The following RGSL1 variants were observed in gnomAD, a reference collection of about 807,000 sequenced individuals.
RGSL1 encodes regulator of G protein signaling protein-like.
In RGSL1, 97 loss-of-function variants were observed where a neutral mutation model predicts 124.7. The ratio of observed to expected loss-of-function variants is 0.78; its 90% confidence interval spans 0.66 to 0.92. The LOEUF is 0.92. Among genes scored for constraint, RGSL1 ranks in the 40% least tolerant of loss-of-function variants. RGSL1 has a pLI of 0.00. For synonymous variants in RGSL1, 424 were observed against 438.1 expected (o/e 0.97, Z 0.40); for missense variants, 1,233 against 1,288.4 (o/e 0.96, Z 0.66).
intron 9 of RGSL1, among the ~76,000 whole-genome samples, chr1:182,508,293 T>TTG (rs1558335044): frequency 7.5e-6 from 1 of 132,482 alleles, no homozygotes; most frequent in Non-Finnish European, 1.6e-5. Context: ...TGGTGGTGTT[T>TTG]TTTTTTTTTT....
Position 182,489,101 on chromosome 1 carries a change from T to G in RGSL1, c.1616T>G (p.Met539Arg). ...SLELSQALAD[M>R]KEMDYRQWRK... is the part of the protein sequence containing the mutation. ...GAGTTAAGCCAGGCTTTGGCTGACATGAAGGAAATGGACTATAGGCAGTGG... is the reference window on the plus strand; with the variant it reads ...GAGTTAAGCCAGGCTTTGGCTGACAGGAAGGAAATGGACTATAGGCAGTGG... Residue 539 changes from methionine to arginine, a missense_variant, in exon 8 of 22, where the codon ATG becomes AGG. Transcript: ENST00000294854. The G allele has an allele frequency of 6.4e-7, 1 of 1,551,596 alleles. No individual in the cohort carries two copies. Among genetic ancestry groups the G allele is most frequent in the Non-Finnish European group, 8.7e-7 (1 of 1,146,978 alleles).
intron 10 of RGSL1, among the ~76,000 whole-genome samples, chr1:182,522,863 A>C (rs1344298013): frequency 2.0e-5 from 3 of 152,058 alleles, no homozygotes; most frequent in African/African-American, 7.2e-5. Flanking sequence ...TCACTTACTC[A>C]TGTATTCATT....
intron 8 of RGSL1, among the ~76,000 whole-genome samples, chr1:182,491,848 G>T (rs977946749): frequency 6.6e-6 from 1 of 152,008 alleles, no homozygotes; most frequent in African/African-American, 2.4e-5. Flanking sequence ...CAACCCAAAT[G>T]AATACTTCTC....
At chr1:182,473,066 G>A in intron 5 of RGSL1, among the ~76,000 whole-genome samples, 1 of 152,148 alleles carries the variant, frequency 6.6e-6, no homozygotes, top group Non-Finnish European at 1.5e-5. Context: ...ATGTATACTT[G>A]TTTGTTCATT....
At chr1:182,524,947 T>A (rs1658632961) in intron 10 of RGSL1, among the ~76,000 whole-genome samples, 2 of 152,188 alleles carry the variant, frequency 1.3e-5, no homozygotes, top group Admixed American at 6.5e-5. Context: ...CCCAGTTATC[T>A]ATTTATCATT....
chr1:182,460,836 C>G, intron 4 of RGSL1: 1 of 417,164 alleles, frequency 2.4e-6, no homozygotes, highest in Admixed American at 2.6e-5. Context: ...TGTAGTTGAT[C>G]TCATTCAATT....
chr1:182,471,566 G>C (rs972587150), intron 4 of RGSL1, among the ~76,000 whole-genome samples: 1 of 152,162 alleles, frequency 6.6e-6, no homozygotes, highest in Non-Finnish European at 1.5e-5. Context: ...AAGGTAGTCA[G>C]AGTCCCTTTT....
chr1:182,490,874 C>A (rs1329316244), intron 8 of RGSL1, among the ~76,000 whole-genome samples: 2 of 151,398 alleles, frequency 1.3e-5, no homozygotes. Context: ...GTGTCTCAAG[C>A]TGTACCCTAA....
At chr1:182,467,670 G>T (rs1653457419) in intron 4 of RGSL1, among the ~76,000 whole-genome samples, 1 of 152,150 alleles carries the variant, frequency 6.6e-6, no homozygotes, top group African/African-American at 2.4e-5. Context: ...AATCCTAGAA[G>T]AAAACCTAGG....
chr1:182,494,923 G>A (rs1356815437), intron 9 of RGSL1, among the ~76,000 whole-genome samples: 3 of 152,216 alleles, frequency 2.0e-5, no homozygotes, highest in Non-Finnish European at 4.4e-5. Context: ...TTGCTATAAA[G>A]TGTATCCCTT....
Position 182,548,783 on chromosome 1 carries a change from T to G in RGSL1, c.2892T>G (p.Ala964=). 1 of 1,551,704 alleles carries G rather than the reference T, an allele frequency of 6.4e-7. No homozygotes were observed. The highest frequency in any genetic ancestry group is 1.2e-5 in the South Asian group (1 of 84,062). The part of the protein sequence containing the change: ...GYLDRSVFHG[A]IMSVFPVVMY... ...TAGATCGGAGCGTCTTCCATGGGGC[T>G]ATCATGTCTGTCTTCCCCGTTGTTA... is the stretch of plus-strand genomic sequence containing the variant. Residue 964 remains alanine (A), a synonymous_variant, in exon 17 of 22, where the codon GCT becomes GCG. Transcript: ENST00000294854.
intron 21 of RGSL1, among the ~76,000 whole-genome samples, chr1:182,560,015 A>C (rs1661083213): frequency 6.6e-6 from 1 of 152,268 alleles, no homozygotes. Flanking sequence ...TGACATGCAG[A>C]TAATAGTTGC....
intron 15 of RGSL1, among the ~76,000 whole-genome samples, chr1:182,545,192 A>G (rs568437562): frequency 1.3e-5 from 2 of 152,292 alleles, no homozygotes; most frequent in South Asian, 4.1e-4. Flanking sequence ...GAGGCTTACC[A>G]AAATATTTTG....
In RGSL1 at chr1:182,509,535, G is replaced by C. The variant is rs867538941; in HGVS notation, c.1826-12469G>C. 4.6e-3 allele frequency among the ~76,000 whole-genome samples: 493 copies of C among 107,086 alleles called. 11 individuals are homozygous for C. The highest frequency in any genetic ancestry group is 7.0e-3 in the Admixed American group (88 of 12,492). The allele number at this position is 107,086 out of a possible 152,430, so 70.3% of individuals were successfully genotyped here. On this transcript the variant is annotated intron_variant, in intron 9 of 21. Coordinates refer to ENST00000294854, the MANE Select transcript of RGSL1 (RefSeq NM_001137669.2). ...CCCGGACGGGGCAGCTGGCCGGGTG[G>C]GGGGGCTGACGCCCCCATCTCCCTC...
At chr1:182,491,242 G>A (rs1276980218) in intron 8 of RGSL1, among the ~76,000 whole-genome samples, 1 of 151,872 alleles carries the variant, frequency 6.6e-6, no homozygotes, top group African/African-American at 2.4e-5. Flanking sequence ...TTGAGATGGA[G>A]TCTCGCTTTG....
In RGSL1 at chr1:182,460,130, G is replaced by A. The variant is rs1026588078; in HGVS notation, c.298G>A (p.Gly100Arg). 1.3e-6 allele frequency: 2 copies of A among 1,549,904 alleles called. No individual in the cohort carries two copies. The highest frequency in any genetic ancestry group is 1.7e-6 in the Non-Finnish European group (2 of 1,146,550). The change falls in exon 4 of 22, where the codon GGA becomes AGA. Residue 100 changes from glycine to arginine, a missense_variant. Coordinates refer to ENST00000294854, the MANE Select transcript of RGSL1 (RefSeq NM_001137669.2). ...CATCAGTTTCATTAAGTCCCCAGAA[G>A]GAGGTAAGCATTGGTGTGCATGCGT... ...EFISFIKSPE[G>R]GEELVDFWIL...
intron 6 of RGSL1, among the ~76,000 whole-genome samples, chr1:182,474,786 G>A (rs1654157627): frequency 6.6e-6 from 1 of 152,322 alleles, no homozygotes; most frequent in South Asian, 2.1e-4. Flanking sequence ...GGGTAAGCAA[G>A]CATTACTGCC....
intron 6 of RGSL1, among the ~76,000 whole-genome samples, chr1:182,482,520 A>C (rs891883568): frequency 6.6e-6 from 1 of 152,236 alleles, no homozygotes; most frequent in Non-Finnish European, 1.5e-5. Flanking sequence ...TAACCCTAAA[A>C]TTACCACAAA....
intron 1 of RGSL1, among the ~76,000 whole-genome samples, chr1:182,452,436 A>G (rs907041124): frequency 6.6e-6 from 1 of 151,952 alleles, no homozygotes. Context: ...GTCACTCACA[A>G]TAGTGTTTAT....
Sources: allele counts gnomAD v4.1 joint callset (sites outside exome capture counted in the v4.1 genomes callset), GRCh38; gene constraint gnomAD v4.1.1; transcripts MANE v1.5; gene names NCBI Gene and HGNC (gene_info 2026-07-23, HGNC 2026-07-21).